Variants in KIF26B observed in about 807,000 individuals in gnomAD.
The protein encoded by KIF26B is kinesin-like protein KIF26B.
A neutral mutation model predicts 151.2 loss-of-function variants in KIF26B; 63 were observed. The observed-to-expected ratio is 0.42, with a 90% CI of 0.34 to 0.51. The LOEUF (loss-of-function observed/expected upper bound fraction) is 0.51, where lower values mean the gene tolerates loss of function less well. Ranked by LOEUF, KIF26B falls within the 20% of genes least tolerant of loss-of-function variation. The pLI, the probability that KIF26B is intolerant of heterozygous loss-of-function variation, is 0.07. For missense variants in KIF26B, 2,813 were observed against 2,913.6 expected (o/e 0.97, Z 0.79); for synonymous variants, 1,357 against 1,262.1 (o/e 1.08, Z -1.59).
chr1:245,450,201 C>CTT (rs1409240673), intron 4 of KIF26B, among the ~76,000 whole-genome samples: 2 of 152,278 alleles, frequency 1.3e-5, no homozygotes, highest in African/African-American at 4.8e-5. Flanking sequence ...TTTTCTCTTA[C>CTT]TTTTATCTGT....
intron 2 of KIF26B, among the ~76,000 whole-genome samples, chr1:245,200,428 G>A (rs1437363896): frequency 6.6e-6 from 1 of 152,090 alleles, no homozygotes; most frequent in African/African-American, 2.4e-5. Flanking sequence ...AAATATTTTG[G>A]AATATCATTA....
intron 2 of KIF26B, among the ~76,000 whole-genome samples, chr1:245,200,803 T>C (rs191282499): frequency 1.3e-5 from 2 of 152,274 alleles, no homozygotes; most frequent in African/African-American, 4.8e-5. Flanking sequence ...GCAGGGCTGA[T>C]TGAGGGTATA....
intron 2 of KIF26B, among the ~76,000 whole-genome samples, chr1:245,208,854 AC>A (rs1669458308): frequency 6.6e-6 from 1 of 152,150 alleles, no homozygotes; most frequent in Admixed American, 6.5e-5. Flanking sequence ...CCCAGCTCCT[AC>A]CTTCTTTGTG....
chr1:245,368,709 C>G (rs1170468140), intron 3 of KIF26B, among the ~76,000 whole-genome samples: 1 of 152,188 alleles, frequency 6.6e-6, no homozygotes, highest in Non-Finnish European at 1.5e-5. Flanking sequence ...CTCAAGAGTC[C>G]TTCACCAGAC....
At chr1:245,322,798 A>G (rs1671915558) in intron 2 of KIF26B, among the ~76,000 whole-genome samples, 1 of 152,220 alleles carries the variant, frequency 6.6e-6, no homozygotes. Flanking sequence ...TAAAAAGGTA[A>G]CCGAGGGTCA....
At chr1:245,156,260 C>T in intron 1 of KIF26B, 22 bp from the exon 2 acceptor site, 2 of 1,542,708 alleles carry the variant, frequency 1.3e-6, no homozygotes, top group South Asian at 1.2e-5. Context: ...CAGCCCCTGA[C>T]ACCGGCGTGT....
intron 2 of KIF26B, among the ~76,000 whole-genome samples, chr1:245,338,742 C>A (rs1672282173): frequency 6.6e-6 from 1 of 152,100 alleles, no homozygotes. Context: ...AGGGCAAAGG[C>A]CTTCTGGAGG....
rs2044509940 is a variant in KIF26B, at chr1:245,685,987, CAG to C, written c.3007_3008del (p.Arg1003GlufsTer27). ...CCCTGAACTCCCAGCCTCCAAGATGCAGAGGAGTCACTCACCTGTGCCCGCCG... is the reference window on the plus strand; with the variant it reads ...CCCTGAACTCCCAGCCTCCAAGATGCAGGAGTCACTCACCTGTGCCCGCCG... ...EGPELPASKM[Q>X]RSHSPVPAAA... On this transcript the variant is annotated frameshift_variant, in exon 12 of 15. Transcript: ENST00000407071. LOFTEE classifies it high-confidence loss of function. The C allele has an allele frequency of 6.3e-7, 1 of 1,595,472 alleles. No homozygotes were observed. Among genetic ancestry groups the C allele is most frequent in the Non-Finnish European group, 8.5e-7 (1 of 1,171,706 alleles).
chr1:245,343,875 T>G (rs560535497), intron 2 of KIF26B, among the ~76,000 whole-genome samples: 1 of 152,330 alleles, frequency 6.6e-6, no homozygotes, highest in East Asian at 1.9e-4. Flanking sequence ...TCACAACTGA[T>G]GAAGGTAACA....
At chr1:245,518,744 G>A (rs150056906) in intron 4 of KIF26B, among the ~76,000 whole-genome samples, 6 of 152,244 alleles carry the variant, frequency 3.9e-5, no homozygotes, top group African/African-American at 1.4e-4. Flanking sequence ...TTTTAGTCAC[G>A]AGTCAGAACG....
chr1:245,378,461 G>A (rs1673327333), intron 3 of KIF26B, among the ~76,000 whole-genome samples: 1 of 152,170 alleles, frequency 6.6e-6, no homozygotes, highest in African/African-American at 2.4e-5. Flanking sequence ...GGTGAAACAG[G>A]TGGGAGAGAA....
chr1:245,355,581 G>A (rs1367331845), intron 2 of KIF26B, among the ~76,000 whole-genome samples: 1 of 143,728 alleles, frequency 7.0e-6, no homozygotes, highest in Non-Finnish European at 1.5e-5. Context: ...GGGCAACACA[G>A]TGAGACCCTG....
rs545660011 is a variant in KIF26B at position 245,303,275 on chromosome 1, T to A, written c.466-63559T>A. Among the ~76,000 whole-genome samples, 463 of 143,598 alleles carry A rather than the reference T, an allele frequency of 3.2e-3. 4 individuals are homozygous for A. Among genetic ancestry groups the A allele is most frequent in the African/African-American group, 0.011 (437 of 38,564 alleles). The allele number at this position is 143,598 out of a possible 152,430, so 94.2% of individuals were successfully genotyped here. A position where few individuals can be genotyped will look rare whatever the true frequency, so the allele number is the denominator to read the frequency against. On this transcript the variant is annotated intron_variant, in intron 2 of 14. Coordinates refer to ENST00000407071, the MANE Select transcript of KIF26B (RefSeq NM_018012.4). ...GTGCAGTGGCGCGATCTCGGCTCAC[T>A]GCAAGCTCCGCCTCCCGGGTTCACG...
intron 14 of KIF26B, among the ~76,000 whole-genome samples, chr1:245,700,577 A>AATCTC (rs1169600585): frequency 6.6e-6 from 1 of 152,158 alleles, no homozygotes; most frequent in Non-Finnish European, 1.5e-5. Context: ...GGGCACCTGT[A>AATCTC]ATCTCAGCTA....
chr1:245,565,349 C>T (rs1020761974), intron 5 of KIF26B, among the ~76,000 whole-genome samples: 1 of 150,736 alleles, frequency 6.6e-6, no homozygotes, highest in African/African-American at 2.4e-5. Context: ...AGTGCAGTGG[C>T]ACCATCTCAG....
intron 3 of KIF26B, among the ~76,000 whole-genome samples, chr1:245,377,567 T>C (rs1227491405): frequency 1.3e-5 from 2 of 152,228 alleles, no homozygotes; most frequent in East Asian, 3.8e-4. Flanking sequence ...ACCTATCTAA[T>C]AATTACATCT....
chr1:245,494,614 A>C (rs1051880417), intron 4 of KIF26B, among the ~76,000 whole-genome samples: 2 of 152,212 alleles, frequency 1.3e-5, no homozygotes, highest in Non-Finnish European at 2.9e-5. Context: ...AAAAGAAAAA[A>C]AATAGGCACT....
Position 245,699,075 on chromosome 1 carries a change from G to T in KIF26B, c.6178+38G>T, listed in dbSNP as rs531882941. The T allele has an allele frequency of 6.9e-6, 11 of 1,596,766 alleles. No homozygotes were observed. In the African/African-American group the frequency reaches 1.3e-4, roughly 19 times the overall value. ...TGCCTTCCCACCCTTGTGACTAGTG[G>T]GTTCACCTGCTCAACCGGGCTGGCG... is the stretch of plus-strand genomic sequence containing the variant. On this transcript the variant is annotated intron_variant, in intron 14 of 14. Coordinates refer to ENST00000407071, the MANE Select transcript of KIF26B (RefSeq NM_018012.4).
chr1:245,214,865 C>A (rs1030596380), intron 2 of KIF26B, among the ~76,000 whole-genome samples: 4 of 151,940 alleles, frequency 2.6e-5, no homozygotes, highest in African/African-American at 4.8e-5. Flanking sequence ...AAATAAATAA[C>A]GACATAGAAG....
Sources: allele counts gnomAD v4.1 joint callset (sites outside exome capture counted in the v4.1 genomes callset), GRCh38; gene constraint gnomAD v4.1.1; transcripts MANE v1.5; gene names NCBI Gene and HGNC (gene_info 2026-07-23, HGNC 2026-07-21).